Variants in ARAP2 observed in about 807,000 individuals in gnomAD.
ARAP2 encodes the protein ArfGAP with RhoGAP domain, ankyrin repeat and PH domain 2.
ARAP2 carries 148 observed loss-of-function variants against 194.5 expected under a neutral mutation model. The ratio of observed to expected loss-of-function variants is 0.76; its 90% confidence interval spans 0.67 to 0.87. ARAP2 has a LOEUF of 0.87. Ranked by LOEUF, ARAP2 falls within the 40% of genes least tolerant of loss-of-function variation. ARAP2 has a pLI of 0.00. For missense variants in ARAP2, 2,128 were observed against 1,989.7 expected (o/e 1.07, Z -1.32); for synonymous variants, 695 against 683.5 (o/e 1.02, Z -0.26).
chr4:36,081,370 A>G (rs529952452), intron 30 of ARAP2, among the ~76,000 whole-genome samples: 1 of 152,194 alleles, frequency 6.6e-6, no homozygotes, highest in Non-Finnish European at 1.5e-5. Flanking sequence ...AAAAGTATGA[A>G]CAAAGGTTTA....
At chr4:36,018,654 C>T (rs1022123998) in intron 6 of ARAP2, among the ~76,000 whole-genome samples, 15 of 152,118 alleles carry the variant, frequency 9.9e-5, no homozygotes, top group Admixed American at 1.3e-4. Context: ...TTTCTCCCAT[C>T]GTCAACTTTT....
chr4:36,212,729 GA>G (rs1747045572), intron 4 of ARAP2, among the ~76,000 whole-genome samples: 1 of 151,144 alleles, frequency 6.6e-6, no homozygotes, highest in African/African-American at 2.4e-5. Flanking sequence ...AAGAATAAAA[GA>G]AAATGGTAAC....
In ARAP2 at chr4:36,014,224, C is replaced by CGGAAGAAAGAAAGGAA. The variant is rs1392259044; in HGVS notation, n.1056+1161_1056+1162insTTCCTTTCTTTCTTCC. Among the ~76,000 whole-genome samples, 433 of 61,716 alleles carry CGGAAGAAAGAAAGGAA rather than the reference C, an allele frequency of 7.0e-3. 37 individuals carry two copies. The highest frequency in any genetic ancestry group is 0.025 in the African/African-American group (405 of 16,442). 40.5% of individuals were successfully genotyped at this position (61,716 alleles called of 152,430 possible). A position where few individuals can be genotyped will look rare whatever the true frequency, so the allele number is the denominator to read the frequency against. ...CCTAGGTGACAAAGTGAGACCCTAT[C>CGGAAGAAAGAAAGGAA]GAAAGAAAGAAAGAAAGAAAGAAAG... is the stretch of plus-strand genomic sequence containing the variant. On this transcript the variant is annotated intron_variant and non_coding_transcript_variant, in intron 8 of 12. Coordinates refer to the ARAP2 transcript ENST00000503225.
At chr4:36,160,376 A>AC in intron 13 of ARAP2, 83 bp downstream of exon 13, 2 of 1,321,818 alleles carry the variant, frequency 1.5e-6, no homozygotes, top group African/African-American at 1.6e-5. Flanking sequence ...ATAGTATAAA[A>AC]TTTTTTACTT....
chr4:36,072,269 T>C (rs923044999), intron 32 of ARAP2, among the ~76,000 whole-genome samples: 2 of 152,136 alleles, frequency 1.3e-5, no homozygotes, highest in Non-Finnish European at 2.9e-5. Context: ...CTCAGAAATT[T>C]TCCAGTAATT....
intron 2 of ARAP2, among the ~76,000 whole-genome samples, chr4:36,224,587 G>A (rs1294610635): frequency 2.6e-5 from 4 of 152,100 alleles, no homozygotes; most frequent in East Asian, 3.9e-4. Flanking sequence ...AATTTTATAC[G>A]TTTTTCAAAC....
intron 22 of ARAP2, among the ~76,000 whole-genome samples, chr4:36,122,762 C>CA (rs550827911): frequency 4.7e-5 from 7 of 150,122 alleles, no homozygotes; most frequent in East Asian, 4.0e-4. Flanking sequence ...TAAAAGTTTA[C>CA]AAAAAAAACC....
chr4:36,183,807 C>T (rs538713248), intron 8 of ARAP2, among the ~76,000 whole-genome samples: 1 of 152,242 alleles, frequency 6.6e-6, no homozygotes, highest in Non-Finnish European at 1.5e-5. Context: ...TTAGAAAACT[C>T]GTGAGGAAAA....
Position 36,107,622 on chromosome 4 carries a change from A to G in ARAP2, c.4228T>C (p.Ser1410Pro), listed in dbSNP as rs770418571. Residue 1410 changes from serine (S) to proline (P), a missense_variant, in exon 27 of 33, where the codon TCT (serine) becomes CCT (proline). Ser to Pro is a moderately conservative substitution (Grantham distance 74). Transcript: ENST00000303965. ...AATCTCTTCACCACCAGGTAAGCAG[A>G]GCCAGGTTCAGCTAATGAACTCCAC... Reference protein sequence around the residue: ...LRWSSLAEPGSAYLVVKRFLT... With the variant: ...LRWSSLAEPGPAYLVVKRFLT... 2 of 1,611,114 alleles carry G rather than the reference A, an allele frequency of 1.2e-6. No homozygotes were observed. The highest frequency in any genetic ancestry group is 2.2e-5 in the South Asian group (2 of 90,844).
intron 19 of ARAP2, 83 bp downstream of exon 19, chr4:36,147,213 T>C (rs1252136127): frequency 2.5e-6 from 3 of 1,209,480 alleles, no homozygotes; most frequent in Non-Finnish European, 3.6e-6. Flanking sequence ...AATATTGTTT[T>C]CTCCCTCAAG....
rs115511514 is a variant in ARAP2, at chr4:36,232,254, C to A, written c.-159-2609G>T. 6.6e-3 allele frequency among the ~76,000 whole-genome samples: 1,002 copies of A among 152,340 alleles called. 12 individuals are homozygous for A. Among genetic ancestry groups the A allele is most frequent in the African/African-American group, 0.022 (928 of 41,570 alleles). On this transcript the variant is annotated intron_variant, in intron 1 of 32. Coordinates refer to ENST00000303965, the MANE Select transcript of ARAP2 (RefSeq NM_015230.4). Reference sequence around the variant, plus strand: ...TTTGCCATGGTTCCGAAACTCATGACATCTTTTGCATGGATTACTGCAATC... The same window carrying A: ...TTTGCCATGGTTCCGAAACTCATGAAATCTTTTGCATGGATTACTGCAATC...
At chr4:36,233,381 T>C (rs1751876383) in intron 1 of ARAP2, among the ~76,000 whole-genome samples, 1 of 148,276 alleles carries the variant, frequency 6.7e-6, no homozygotes, top group Non-Finnish European at 1.5e-5. Context: ...ACAACTGCTG[T>C]GGGTCCTACG....
chr4:36,115,420 A>G (rs1331783284), intron 25 of ARAP2, among the ~76,000 whole-genome samples: 1 of 152,060 alleles, frequency 6.6e-6, no homozygotes, highest in Non-Finnish European at 1.5e-5. Context: ...TTTTAAGGCT[A>G]GCACTTTCTT....
At chr4:36,010,721 C>T (rs993872215) in intron 9 of ARAP2, among the ~76,000 whole-genome samples, 1 of 152,090 alleles carries the variant, frequency 6.6e-6, no homozygotes, top group African/African-American at 2.4e-5. Flanking sequence ...AGATTAATGG[C>T]CTTCCCCCTC....
intron 20 of ARAP2, among the ~76,000 whole-genome samples, chr4:36,129,637 C>G (rs1248739849): frequency 6.6e-6 from 1 of 151,630 alleles, no homozygotes; most frequent in African/African-American, 2.4e-5. Context: ...TGTGACTGCT[C>G]TCTCAGTCTT....
intron 19 of ARAP2, among the ~76,000 whole-genome samples, chr4:36,145,942 T>C (rs1029064020): frequency 5.9e-5 from 9 of 152,018 alleles, no homozygotes; most frequent in Non-Finnish European, 7.4e-5. Context: ...ATTTTAGACA[T>C]GCGTATTCAA....
intron 1 of ARAP2, among the ~76,000 whole-genome samples, chr4:36,239,771 A>AT (rs1227910762): frequency 1.3e-5 from 2 of 152,202 alleles, no homozygotes; most frequent in Non-Finnish European, 2.9e-5. Context: ...AGTATGTGTT[A>AT]TTTTTACCCA....
intron 1 of ARAP2, among the ~76,000 whole-genome samples, chr4:36,237,006 C>A (rs1578383501): frequency 6.6e-6 from 1 of 152,334 alleles, no homozygotes; most frequent in East Asian, 1.9e-4. Flanking sequence ...CGTCCATGTA[C>A]ATGGCTAAAC....
At chr4:36,099,638 T>A (rs1049455827) in intron 27 of ARAP2, among the ~76,000 whole-genome samples, 1 of 152,132 alleles carries the variant, frequency 6.6e-6, no homozygotes, top group African/African-American at 2.4e-5. Context: ...TAATGTAGAC[T>A]TAAATCTTCT....
Sources: gnomAD v4.1 joint callset for allele counts (sites outside exome capture counted in the v4.1 genomes callset) on GRCh38, gnomAD v4.1.1 for gene constraint, MANE v1.5 for transcripts, NCBI Gene and HGNC (gene_info 2026-07-23, HGNC 2026-07-21) for gene names.